The following ACOT1 variants were observed in gnomAD, a reference collection of about 807,000 sequenced individuals.
The protein encoded by ACOT1 is acyl-CoA thioesterase 1.
In ACOT1, 8 loss-of-function variants were observed where a neutral mutation model predicts 15.7. The observed-to-expected ratio is 0.51, with a 90% confidence interval of 0.30 to 0.92. The LOEUF (loss-of-function observed/expected upper bound fraction) is 0.92, where lower values mean the gene tolerates loss of function less well. ACOT1 is among the 40% of genes least tolerant of loss of function. The probability of loss-of-function intolerance (pLI) is 0.06; values close to 1 mark genes in which losing one functional copy is unlikely to be tolerated. For missense variants in ACOT1, 151 were observed against 539.4 expected (o/e 0.28, Z 7.13); for synonymous variants, 67 against 241.2 (o/e 0.28, Z 6.69).
the ACOT1 span, among the ~76,000 whole-genome samples, chr14:73,518,030 G>A: frequency 6.6e-6 from 1 of 152,194 alleles, no homozygotes; most frequent in African/African-American, 2.4e-5. Context: ...AGGTTGCAGT[G>A]AGCCGAGATC....
the ACOT1 span, chr14:73,508,188 A>G: frequency 1.2e-6 from 2 of 1,613,972 alleles, no homozygotes; most frequent in Non-Finnish European, 1.7e-6. Context: ...CAGTGTCCTC[A>G]TTCTTCTTTG....
chr14:73,503,113 C>T, the ACOT1 span: 3 of 921,846 alleles, frequency 3.3e-6, no homozygotes, highest in Non-Finnish European at 5.2e-6. Context: ...CATCACTGTA[C>T]TAATGAGGAT....
At chr14:73,498,127 T>C in the ACOT1 span, 3 of 1,582,132 alleles carry the variant, frequency 1.9e-6, no homozygotes, top group African/African-American at 1.3e-5. Context: ...TATAAGGTCA[T>C]GGTGGGAGCC....
the ACOT1 span, chr14:73,509,460 C>G: frequency 1.2e-6 from 2 of 1,613,840 alleles, no homozygotes; most frequent in Non-Finnish European, 1.7e-6. Flanking sequence ...CCGGCAAGTC[C>G]TGGATGGTCT....
the ACOT1 span, chr14:73,531,077 G>A: frequency 9.2e-6 from 1 of 108,794 alleles, no homozygotes; most frequent in Non-Finnish European, 2.0e-5. Context: ...ACCTCAGGTT[G>A]CCCCTCATCT....
chr14:73,494,508 C>T, the ACOT1 span, among the ~76,000 whole-genome samples: 1 of 152,114 alleles, frequency 6.6e-6, no homozygotes, highest in Non-Finnish European at 1.5e-5. Flanking sequence ...AATGATAGTT[C>T]TCCCTCCAAC....
At chr14:73,520,991 G>T in the ACOT1 span, 20 of 1,613,642 alleles carry the variant, frequency 1.2e-5, no homozygotes, top group Non-Finnish European at 1.6e-5. Flanking sequence ...TGCTCTTGTT[G>T]CCAGGCATGA....
chr14:73,533,845 G>A (rs1254358697), upstream of ACOT1, among the ~76,000 whole-genome samples: 3 of 94,784 alleles, frequency 3.2e-5, no homozygotes, highest in Non-Finnish European at 6.5e-5. Flanking sequence ...GCCAGAGTTC[G>A]AGACCAGTCT....
the ACOT1 span, chr14:73,522,520 G>T: frequency 1.9e-6 from 3 of 1,614,184 alleles, no homozygotes; most frequent in Non-Finnish European, 2.5e-6. Flanking sequence ...CTGTGCGCTC[G>T]TTCAGCTTTT....
the ACOT1 span, chr14:73,499,234 A>G: frequency 9.2e-7 from 1 of 1,090,020 alleles, no homozygotes; most frequent in African/African-American, 1.5e-5. Context: ...TAATCCCAGC[A>G]TTTTGGGATG....
chr14:73,497,137 C>G, the ACOT1 span, among the ~76,000 whole-genome samples: 1 of 152,204 alleles, frequency 6.6e-6, no homozygotes, highest in East Asian at 1.9e-4. Context: ...CTCAGGTGAT[C>G]CACCCGCCTT....
At chr14:73,514,885 G>A in the ACOT1 span, among the ~76,000 whole-genome samples, 9 of 151,846 alleles carry the variant, frequency 5.9e-5, no homozygotes, top group Non-Finnish European at 7.4e-5. Context: ...TGGCTAACAC[G>A]GTGAAAACCC....
chr14:73,539,686 C>T (rs1317924401), intron 1 of ACOT1: 1 of 118,764 alleles, frequency 8.4e-6, no homozygotes, highest in African/African-American at 2.8e-5. Context: ...TCACATGCAG[C>T]TCCCTGAGAA....
At chr14:73,491,278 C>T in the ACOT1 span, 1 of 1,560,678 alleles carries the variant, frequency 6.4e-7, no homozygotes, top group South Asian at 1.2e-5. Context: ...CGGTGGCGGC[C>T]GTCCCGGACG....
chr14:73,528,429 A>G, the ACOT1 span, among the ~76,000 whole-genome samples: 13 of 149,454 alleles, frequency 8.7e-5, no homozygotes, highest in Non-Finnish European at 1.8e-4. Flanking sequence ...AGGAATAGTT[A>G]TTATCTGATA....
the ACOT1 span, among the ~76,000 whole-genome samples, chr14:73,526,136 G>A: frequency 1.3e-5 from 2 of 152,136 alleles, no homozygotes; most frequent in Non-Finnish European, 2.9e-5. Context: ...TGCATGTGGT[G>A]GAGCGAGAGG....
At chr14:73,492,582 G>C in the ACOT1 span, 3 of 1,613,804 alleles carry the variant, frequency 1.9e-6, no homozygotes, top group South Asian at 1.1e-5. The surrounding 1 kb of genome is among the most constrained non-coding windows in gnomAD (Gnocchi z 4.9). Flanking sequence ...AGGGCACTAA[G>C]TGTTTACGGG....
At chr14:73,526,860 A>T in the ACOT1 span, among the ~76,000 whole-genome samples, 1 of 152,022 alleles carries the variant, frequency 6.6e-6, no homozygotes, top group Non-Finnish European at 1.5e-5. Flanking sequence ...TTCAGGTGTG[A>T]CCCAGTGCAC....
the ACOT1 span, among the ~76,000 whole-genome samples, chr14:73,518,276 C>T: frequency 3.9e-5 from 6 of 151,952 alleles, no homozygotes; most frequent in Middle Eastern, 3.4e-3. Context: ...TGGAGGCATG[C>T]ACCTGTGATT....
Sources: allele counts gnomAD v4.1 joint callset (sites outside exome capture counted in the v4.1 genomes callset), GRCh38; gene constraint gnomAD v4.1.1; non-coding constraint Gnocchi (gnomAD v3.1); transcripts MANE v1.5; gene names NCBI Gene and HGNC (gene_info 2026-07-23, HGNC 2026-07-21).